Variants in ABCC1 observed in about 807,000 individuals in gnomAD.
ABCC1 encodes multidrug resistance-associated protein 1.
A neutral mutation model predicts 172.9 loss-of-function variants in ABCC1; 83 were observed. The observed-to-expected ratio is 0.48, with a 90% CI of 0.40 to 0.58. ABCC1 has a LOEUF of 0.58. Ranked by LOEUF, ABCC1 falls within the 20% of genes least tolerant of loss-of-function variation. ABCC1 has a pLI of 0.00. For missense variants in ABCC1, 1,817 were observed against 2,002.7 expected (o/e 0.91, Z 1.77); for synonymous variants, 937 against 825.2 (o/e 1.14, Z -2.32).
chr16:15,992,709 C>G (rs2046909930), intron 1 of ABCC1, among the ~76,000 whole-genome samples: 1 of 152,202 alleles, frequency 6.6e-6, no homozygotes, highest in East Asian at 1.9e-4. Context: ...CCAGGGACCA[C>G]TGTCTTAATA....
chr16:16,110,730 C>A (rs1343478283), intron 21 of ABCC1, among the ~76,000 whole-genome samples: 2 of 152,178 alleles, frequency 1.3e-5, no homozygotes, highest in African/African-American at 4.8e-5. Flanking sequence ...AGAAAACCTC[C>A]CCCAATACCT....
intron 1 of ABCC1, among the ~76,000 whole-genome samples, chr16:15,982,389 G>A (rs545869608): frequency 3.2e-4 from 48 of 152,128 alleles, no homozygotes; most frequent in African/African-American, 8.7e-4. Context: ...ATGGTAGAAG[G>A]GGAAGCAAAC....
At chr16:16,059,890 G>C (rs1052519032) in intron 12 of ABCC1, among the ~76,000 whole-genome samples, 5 of 151,818 alleles carry the variant, frequency 3.3e-5, no homozygotes, top group African/African-American at 1.2e-4. Flanking sequence ...AAGCTTTTTG[G>C]GAGGCTGAGG....
intron 1 of ABCC1, among the ~76,000 whole-genome samples, chr16:15,953,424 G>T (rs2151476417): frequency 6.6e-6 from 1 of 152,246 alleles, no homozygotes; most frequent in East Asian, 1.9e-4. Flanking sequence ...AGTATAGTGT[G>T]GTGGCTCAGA....
At chr16:15,984,561 G>C (rs2046702144) in intron 1 of ABCC1, among the ~76,000 whole-genome samples, 1 of 151,228 alleles carries the variant, frequency 6.6e-6, no homozygotes, top group Non-Finnish European at 1.5e-5. Context: ...TCCTGCCTCA[G>C]CCTTCTGAGT....
At chr16:16,078,728 G>A (rs894504477) in intron 15 of ABCC1, among the ~76,000 whole-genome samples, 1 of 152,166 alleles carries the variant, frequency 6.6e-6, no homozygotes, top group African/African-American at 2.4e-5. Flanking sequence ...CCAGATCGGA[G>A]TGCAGTGGCA....
intron 19 of ABCC1, chr16:16,095,290 G>A (rs1365175166): frequency 2.6e-5 from 4 of 152,232 alleles, no homozygotes; most frequent in African/African-American, 9.6e-5. Flanking sequence ...TTCATACCTG[G>A]AAGGTAAAAC....
intron 15 of ABCC1, among the ~76,000 whole-genome samples, chr16:16,077,923 T>G (rs1797905439): frequency 6.6e-6 from 1 of 152,140 alleles, no homozygotes; most frequent in Admixed American, 6.5e-5. Flanking sequence ...TTTGGGAGGC[T>G]GAGGCGGGCA....
chr16:15,973,215 T>C, intron 1 of ABCC1, among the ~76,000 whole-genome samples: 1 of 152,212 alleles, frequency 6.6e-6, no homozygotes, highest in East Asian at 1.9e-4. Flanking sequence ...GTGCTTACTT[T>C]AATAGCTATT....
chr16:16,074,512 G>C (rs1435397386), intron 14 of ABCC1, among the ~76,000 whole-genome samples: 1 of 152,182 alleles, frequency 6.6e-6, no homozygotes, highest in African/African-American at 2.4e-5. Flanking sequence ...CTCAATGCAA[G>C]CATCAGGAAA....
At chr16:16,068,982 C>T (rs1221288934) in intron 13 of ABCC1, among the ~76,000 whole-genome samples, 6 of 144,704 alleles carry the variant, frequency 4.1e-5, no homozygotes, top group Non-Finnish European at 7.5e-5. Flanking sequence ...GCAAAAACTC[C>T]GTCTCAAAAT....
chr16:16,079,599 T>C (rs2050725737), intron 16 of ABCC1, 121 bp downstream of exon 16: 1 of 1,236,092 alleles, frequency 8.1e-7, no homozygotes, highest in Non-Finnish European at 1.1e-6. Flanking sequence ...AACGTCTCTT[T>C]TCCTCCTCCT....
At chr16:16,058,404 G>A (rs940071032) in intron 12 of ABCC1, among the ~76,000 whole-genome samples, 6 of 152,168 alleles carry the variant, frequency 3.9e-5, no homozygotes, top group Non-Finnish European at 8.8e-5. Context: ...TTTCTGTGAA[G>A]CAGAGTTAAA....
At chr16:16,029,249 G>A (rs889274982) in intron 5 of ABCC1, among the ~76,000 whole-genome samples, 3 of 151,976 alleles carry the variant, frequency 2.0e-5, no homozygotes, top group Admixed American at 2.0e-4. Context: ...TTTTGAGACA[G>A]GGTCTCACTA....
chr16:16,052,161 C>G (rs146376597), intron 10 of ABCC1, among the ~76,000 whole-genome samples: 2 of 151,234 alleles, frequency 1.3e-5, no homozygotes, highest in Admixed American at 1.3e-4. Context: ...CCCAGGAGAT[C>G]GAGAGCAGTT....
At chr16:16,090,700 A>C in intron 19 of ABCC1, 112 bp downstream of exon 19, 4 of 1,235,432 alleles carry the variant, frequency 3.2e-6, no homozygotes, top group Non-Finnish European at 3.3e-6. Flanking sequence ...TCCTCAGGGC[A>C]TGAGGGTGGG....
intron 1 of ABCC1, among the ~76,000 whole-genome samples, chr16:15,997,123 G>A (rs2047084516): frequency 7.0e-6 from 1 of 142,722 alleles, no homozygotes; most frequent in African/African-American, 2.6e-5. Context: ...ACGGAGTCTC[G>A]CTCTATCGCC....
At chr16:16,021,726 GAACAAACA>G (rs769146309) in intron 5 of ABCC1, among the ~76,000 whole-genome samples, 2 of 152,026 alleles carry the variant, frequency 1.3e-5, no homozygotes, top group African/African-American at 4.8e-5. Flanking sequence ...ACGAACAAAT[GAACAAACA>G]AACAAACAAA....
Position 16,086,994 on chromosome 16 carries a change from G to A in ABCC1, c.2460+3G>A, listed in dbSNP as rs1431862879. On this transcript the variant is annotated splice_donor_region_variant and intron_variant, in intron 18 of 30. Coordinates refer to ENST00000399410, the MANE Select transcript of ABCC1 (RefSeq NM_004996.4). ...CCAAGGGGATGCTGAAGAACAAGGT[G>A]CCTGCTGGCGGGGTGGGGCTTGGTG... 1.2e-6 allele frequency: 2 copies of A among 1,614,142 alleles called. No homozygotes were observed. The highest frequency in any genetic ancestry group is 1.7e-6 in the Non-Finnish European group (2 of 1,180,020).
Sources: allele counts gnomAD v4.1 joint callset (sites outside exome capture counted in the v4.1 genomes callset), GRCh38; gene constraint gnomAD v4.1.1; transcripts MANE v1.5; gene names NCBI Gene and HGNC (gene_info 2026-07-23, HGNC 2026-07-21).